LOC128462377: variants seen among roughly 807,000 people sequenced by gnomAD.
chr16:89,347,794 C>A, the LOC128462377 span, among the ~76,000 whole-genome samples: 2 of 151,924 alleles, frequency 1.3e-5, no homozygotes, highest in East Asian at 3.8e-4. Flanking sequence ...GCATCTCCAA[C>A]ATTAGGAAAA....
chr16:89,351,025 C>G, the LOC128462377 span, among the ~76,000 whole-genome samples: 1 of 152,164 alleles, frequency 6.6e-6, no homozygotes. Flanking sequence ...ACAAGATCAC[C>G]TAACAACGCA....
the LOC128462377 span, among the ~76,000 whole-genome samples, chr16:89,319,054 A>G: frequency 6.6e-6 from 1 of 152,226 alleles, no homozygotes; most frequent in African/African-American, 2.4e-5. Flanking sequence ...GGTAATGTTT[A>G]CAAGTTTAAG....
the LOC128462377 span, among the ~76,000 whole-genome samples, chr16:89,334,644 C>A: frequency 1.3e-5 from 2 of 152,108 alleles, no homozygotes; most frequent in Non-Finnish European, 2.9e-5. Context: ...GTCTCAGCCA[C>A]GCTCCATGAG....
the LOC128462377 span, among the ~76,000 whole-genome samples, chr16:89,404,108 T>C: frequency 1.3e-5 from 2 of 152,200 alleles, no homozygotes; most frequent in African/African-American, 2.4e-5. Context: ...GCCCGGCACA[T>C]GATTGTGAAG....
chr16:89,318,025 G>A, the LOC128462377 span, among the ~76,000 whole-genome samples: 1 of 152,148 alleles, frequency 6.6e-6, no homozygotes, highest in African/African-American at 2.4e-5. Flanking sequence ...CGAACTATTT[G>A]CTCTGCCCCG....
the LOC128462377 span, among the ~76,000 whole-genome samples, chr16:89,322,770 C>T: frequency 2.6e-5 from 4 of 152,094 alleles, no homozygotes; most frequent in Admixed American, 2.6e-4. Context: ...GGCACAGCCC[C>T]GCATGGTGAT....
the LOC128462377 span, among the ~76,000 whole-genome samples, chr16:89,371,108 G>A: frequency 2.0e-5 from 3 of 152,150 alleles, no homozygotes; most frequent in Non-Finnish European, 4.4e-5. Context: ...ACTGAAAACC[G>A]CCGAGGGGGA....
At chr16:89,415,110 T>C in the LOC128462377 span, among the ~76,000 whole-genome samples, 1 of 151,914 alleles carries the variant, frequency 6.6e-6, no homozygotes, top group Admixed American at 6.6e-5. Flanking sequence ...CATGCCACCA[T>C]GCCTGGCTCA....
At chr16:89,371,384 T>C in the LOC128462377 span, among the ~76,000 whole-genome samples, 1 of 152,174 alleles carries the variant, frequency 6.6e-6, no homozygotes, top group Non-Finnish European at 1.5e-5. Flanking sequence ...TTTATGTCAT[T>C]TAAATCAAGT....
At chr16:89,375,980 T>C in the LOC128462377 span, among the ~76,000 whole-genome samples, 1 of 152,184 alleles carries the variant, frequency 6.6e-6, no homozygotes, top group Non-Finnish European at 1.5e-5. Context: ...CTGCTGTGGA[T>C]GCTTTTCAAA....
At chr16:89,349,173 A>G in the LOC128462377 span, among the ~76,000 whole-genome samples, 1 of 141,970 alleles carries the variant, frequency 7.0e-6, no homozygotes, top group African/African-American at 2.6e-5. Context: ...AATAATAATT[A>G]TAGTAATCAA....
At chr16:89,367,725 C>A in the LOC128462377 span, among the ~76,000 whole-genome samples, 1 of 152,222 alleles carries the variant, frequency 6.6e-6, no homozygotes, top group African/African-American at 2.4e-5. Flanking sequence ...TACAGCTCCA[C>A]GCATCCCATC....
the LOC128462377 span, among the ~76,000 whole-genome samples, chr16:89,383,792 C>T: frequency 6.6e-6 from 1 of 152,156 alleles, no homozygotes; most frequent in Admixed American, 6.5e-5. Context: ...GCCAAGAGCC[C>T]AATCATGATA....
At chr16:89,404,384 T>C in the LOC128462377 span, among the ~76,000 whole-genome samples, 1 of 152,198 alleles carries the variant, frequency 6.6e-6, no homozygotes, top group Non-Finnish European at 1.5e-5. Context: ...AAAATTGCCT[T>C]CACTGAAAAC....
chr16:89,349,242 A>C, the LOC128462377 span, among the ~76,000 whole-genome samples: 1 of 151,866 alleles, frequency 6.6e-6, no homozygotes, highest in Admixed American at 6.6e-5. Context: ...AAAAGACCAA[A>C]AACAGGCCAG....
At chr16:89,391,120 C>T in the LOC128462377 span, among the ~76,000 whole-genome samples, 553 of 150,206 alleles carry the variant, frequency 3.7e-3, 1 homozygote, top group Non-Finnish European at 6.1e-3. Context: ...CCCAGCTACT[C>T]GGGAGGCTGA....
the LOC128462377 span, among the ~76,000 whole-genome samples, chr16:89,382,789 C>T: frequency 2.0e-5 from 3 of 152,170 alleles, no homozygotes; most frequent in South Asian, 2.1e-4. Flanking sequence ...CTGAAATAAA[C>T]GTTTAACCAC....
the LOC128462377 span, among the ~76,000 whole-genome samples, chr16:89,417,577 C>A: frequency 1.3e-5 from 2 of 152,174 alleles, no homozygotes; most frequent in Non-Finnish European, 2.9e-5. Flanking sequence ...GGCTGGCGAA[C>A]CAGGCTCCCA....
chr16:89,370,193 G>T, the LOC128462377 span, among the ~76,000 whole-genome samples: 1 of 152,252 alleles, frequency 6.6e-6, no homozygotes, highest in Non-Finnish European at 1.5e-5. Flanking sequence ...CTGGAGCTGG[G>T]GTGGAGCTGC....
Sources: gnomAD v4.1 joint callset for allele counts (sites outside exome capture counted in the v4.1 genomes callset) on GRCh38, gnomAD v4.1.1 for gene constraint, MANE v1.5 for transcripts.